Variants in ATP8B3 observed in about 807,000 individuals in gnomAD.
The protein encoded by ATP8B3 is phospholipid-transporting ATPase IK.
A neutral mutation model predicts 140.9 loss-of-function variants in ATP8B3; 141 were observed. That is an observed-to-expected ratio of 1.00 (90% CI 0.87 to 1.15). The LOEUF (loss-of-function observed/expected upper bound fraction) is 1.15, where lower values mean the gene tolerates loss of function less well. Ranked by LOEUF, ATP8B3 falls within the 50% of genes most tolerant of loss-of-function variation. The probability of loss-of-function intolerance (pLI) is 0.00; values close to 1 mark genes in which losing one functional copy is unlikely to be tolerated. For missense variants in ATP8B3, 1,874 were observed against 1,740.6 expected (o/e 1.08, Z -1.36); for synonymous variants, 765 against 714.6 (o/e 1.07, Z -1.13).
In ATP8B3 at chr19:1,791,833, C is replaced by T. The variant is rs1361770975; in HGVS notation, c.2219G>A (p.Arg740Lys). The T allele has an allele frequency of 1.9e-6, 3 of 1,611,560 alleles. No homozygotes were observed. The highest frequency in any genetic ancestry group is 2.5e-6 in the Non-Finnish European group (3 of 1,179,814). Reference sequence around the variant, plus strand: ...GGTTTCAGGGACACCGTCCTGGAGTCTGTCCTCGATGGCTGTGGCTCCCAG... The same window carrying T: ...GGTTTCAGGGACACCGTCCTGGAGTTTGTCCTCGATGGCTGTGGCTCCCAG... Reference protein sequence around the residue: ...QLLGATAIEDRLQDGVPETIK... With the variant: ...QLLGATAIEDKLQDGVPETIK... Residue 740 changes from arginine to lysine, a missense_variant, in exon 20 of 29, where the codon AGA (arginine) becomes AAA (lysine). Physicochemically the swap from Arg to Lys is conservative, Grantham distance 26. Transcript: ENST00000310127.
At chr19:1,792,971 C>G (rs1231845995) in intron 18 of ATP8B3, among the ~76,000 whole-genome samples, 1 of 151,746 alleles carries the variant, frequency 6.6e-6, no homozygotes, top group Non-Finnish European at 1.5e-5. Flanking sequence ...CCTACTCTGT[C>G]TCAGACACCT....
chr19:1,805,323 T>G lies in ATP8B3; in HGVS notation c.904+51A>C, dbSNP rs183143006. 283 of 1,489,794 alleles carry G rather than the reference T, an allele frequency of 1.9e-4. No individual in the cohort carries two copies. Among genetic ancestry groups the G allele is most frequent in the Non-Finnish European group, 2.2e-4 (243 of 1,090,772 alleles). 92.3% of individuals were successfully genotyped at this position (1,489,794 alleles called of 1,614,324 possible). On this transcript the variant is annotated intron_variant, in intron 10 of 28. Transcript: ENST00000310127. This position sits in a 1 kb window ranked among gnomAD's most constrained non-coding sequence, Gnocchi z 5.2. ...ATAACAACAACAAAATACCCTAACTTTTAACTTTTACAGATTCGAGGGACG... is the reference window on the plus strand; with the variant it reads ...ATAACAACAACAAAATACCCTAACTGTTAACTTTTACAGATTCGAGGGACG...
chr19:1,807,685 G>T lies in ATP8B3; in HGVS notation c.517-419C>A, dbSNP rs981993606. 6.6e-6 allele frequency among the ~76,000 whole-genome samples: 1 copy of T among 152,116 alleles called. No individual in the cohort carries two copies. The highest frequency in any genetic ancestry group is 6.6e-5 in the Admixed American group (1 of 15,262). ...TGCACACAGTAGGTACTCCATTAAT[G>T]CTGAATGACTCGATGGATGAAAGGA... is the stretch of plus-strand genomic sequence containing the variant. On this transcript the variant is annotated intron_variant, in intron 5 of 28. Transcript: ENST00000310127. The surrounding 1 kb of genome is among the most constrained non-coding windows in gnomAD (Gnocchi z 5.9).
intron 28 of ATP8B3, 115 bp downstream of exon 28, chr19:1,784,704 G>A (rs1752248965): frequency 1.5e-6 from 2 of 1,362,416 alleles, no homozygotes; most frequent in African/African-American, 1.5e-5. Context: ...CAAGCCTAGT[G>A]TCTTGGAGGG....
chr19:1,802,610 G>C lies in ATP8B3; in HGVS notation c.940C>G (p.His314Asp). 1.2e-6 allele frequency: 2 copies of C among 1,611,786 alleles called. No individual in the cohort carries two copies. The highest frequency in any genetic ancestry group is 1.7e-6 in the Non-Finnish European group (2 of 1,179,582). Residue 314 changes from histidine to aspartate, a missense_variant, in exon 11 of 29, where the codon CAC (histidine) becomes GAC (aspartate). Transcript: ENST00000310127. ...CATTCCAGGCACCCCACGAAGTGGTGCATCCGACTGTTAGGCGCCTCACAC... is the reference window on the plus strand; with the variant it reads ...CATTCCAGGCACCCCACGAAGTGGTCCATCCGACTGTTAGGCGCCTCACAC... ...VTCEAPNSRM[H>D]HFVGCLEWND...
rs1325058147 is a variant in ATP8B3, at chr19:1,785,281, T to G, written c.3410A>C (p.Lys1137Thr). 2.5e-6 allele frequency: 4 copies of G among 1,601,464 alleles called. No homozygotes were observed. Among genetic ancestry groups the G allele is most frequent in the African/African-American group, 2.7e-5 (2 of 74,528 alleles). ...CGCCACGCACAGGGCGGTCCAGTAC[T>G]TGATGATAAGAATGACCTGGACAGG... ...SITMEVILIIKYWTALCVATI... is the reference protein window; with the variant it reads ...SITMEVILIITYWTALCVATI... The change falls in exon 27 of 29, where the codon AAG becomes ACG. Residue 1137 changes from lysine (K) to threonine (T), a missense_variant. Physicochemically the swap from Lys to Thr is moderately conservative, Grantham distance 78. Around this residue, in one of 3 missense-constraint regions of ATP8B3, gnomAD observed 840 missense variants for 760.9 expected, o/e 1.10. Coordinates refer to ENST00000310127, the MANE Select transcript of ATP8B3 (RefSeq NM_138813.4).
At chr19:1,808,138 G>T in intron 5 of ATP8B3, 84 bp downstream of exon 5, 1 of 1,146,138 alleles carries the variant, frequency 8.7e-7, no homozygotes, top group Non-Finnish European at 1.3e-6. Context: ...GGAGTGGGAC[G>T]TGAACCCACC....
chr19:1,790,191 C>A (rs1472851093), intron 21 of ATP8B3, among the ~76,000 whole-genome samples: 1 of 106,464 alleles, frequency 9.4e-6, no homozygotes, highest in Non-Finnish European at 2.0e-5. Flanking sequence ...CACTCCCCCA[C>A]CCCTGCCCCT....
chr19:1,792,221 A>C, intron 18 of ATP8B3, 86 bp from the exon 19 acceptor site: 1 of 1,414,606 alleles, frequency 7.1e-7, no homozygotes, highest in East Asian at 2.5e-5. Flanking sequence ...CGGGCTCCGG[A>C]GCCTGGGTCC....
chr19:1,795,846 C>CACACACACACACAT (rs2068651191), intron 18 of ATP8B3, 29 bp downstream of exon 18: 1 of 1,233,170 alleles, frequency 8.1e-7, no homozygotes, highest in African/African-American at 1.9e-5. Flanking sequence ...CACACACACA[C>CACACACACACACAT]ATAAGCCAGC....
chr19:1,803,619 C>T (rs913928073), intron 10 of ATP8B3, among the ~76,000 whole-genome samples: 11 of 152,266 alleles, frequency 7.2e-5, no homozygotes, highest in Non-Finnish European at 2.9e-5. Context: ...GGAAGCCGGC[C>T]GGGTGCGGTG....
Position 1,788,995 on chromosome 19 carries a change from C to T in ATP8B3, c.2971G>A (p.Val991Met), listed in dbSNP as rs759022440. The T allele has an allele frequency of 2.0e-5, 33 of 1,610,440 alleles. No individual in the cohort carries two copies. Among genetic ancestry groups the T allele is most frequent in the Non-Finnish European group, 2.7e-5 (32 of 1,178,840 alleles). The stretch of plus-strand genomic sequence containing the variant: ...TAGCGCAGGAACTTGCAGATCCGCA[C>T]GTAGGACCAGCGGCCGTGCACCAGC... The part of the protein sequence containing the change: ...LLLVHGRWSY[V>M]RICKFLRYFF... The change falls in exon 24 of 29, where the codon GTG (valine) becomes ATG (methionine). Residue 991 changes from valine to methionine, a missense_variant. By Grantham distance (21) the Val-to-Met change is conservative (BLOSUM62 1). Coordinates refer to ENST00000310127, the MANE Select transcript of ATP8B3 (RefSeq NM_138813.4).
chr19:1,811,767 C>G lies in ATP8B3; in HGVS notation c.-31G>C. ...GCATGAGGAAAAGGGAGGTTCAGGG[C>G]GAAGAGGGGTTTAGGCTGTGGGACG... On this transcript the variant is annotated 5_prime_UTR_variant, in exon 2 of 29. Transcript: ENST00000310127. 6 of 1,553,446 alleles carry G rather than the reference C, an allele frequency of 3.9e-6. No individual in the cohort carries two copies. Among genetic ancestry groups the G allele is most frequent in the Non-Finnish European group, 5.2e-6 (6 of 1,154,984 alleles).
intron 26 of ATP8B3, 54 bp downstream of exon 26, chr19:1,785,415 G>C: frequency 1.9e-6 from 3 of 1,587,644 alleles, no homozygotes; most frequent in Non-Finnish European, 2.6e-6. Flanking sequence ...CCCCAGGGGA[G>C]GAGGCCTCCA....
At position 1,792,153 on chromosome 19, in the gene ATP8B3, G is replaced by A. The variant is rs1383276771; in HGVS notation, c.2056-18C>T. On this transcript the variant is annotated intron_variant, in intron 18 of 28. Transcript: ENST00000310127. ...GCAAAGGCCTGGGGGCCGGGCAGGT[G>A]GAAGCTGTCACCATGCTGAAGCCGA... The A allele has an allele frequency of 6.4e-7, 1 of 1,557,894 alleles. No individual in the cohort carries two copies. Among genetic ancestry groups the A allele is most frequent in the Non-Finnish European group, 8.6e-7 (1 of 1,159,320 alleles).
At position 1,789,546 on chromosome 19, in the gene ATP8B3, G is replaced by A. The variant is rs369357230; in HGVS notation, c.2660C>T (p.Ala887Val). The A allele has an allele frequency of 1.9e-6, 3 of 1,596,808 alleles. No homozygotes were observed. Among genetic ancestry groups the A allele is most frequent in the Non-Finnish European group, 2.5e-6 (3 of 1,177,990 alleles). Residue 887 changes from alanine to valine, a missense_variant, in exon 23 of 29, where the codon GCC (alanine) becomes GTC (valine). Ala to Val is a moderately conservative substitution (Grantham distance 64). This residue lies in a region of ATP8B3 where 840 missense variants were observed against 760.9 expected (regional missense o/e 1.10). Coordinates refer to ENST00000310127, the MANE Select transcript of ATP8B3 (RefSeq NM_138813.4). The stretch of plus-strand genomic sequence containing the variant: ...CTGCAGCACCTCGGAGCTACGGCGG[G>A]CTCTGGAGTCCTGGGCTGGCGGTGC... ...LAAPPAQDSR[A>V]RRSSEVLQER...
rs939880507 is a variant in ATP8B3, at chr19:1,800,809, T to C, written c.1153-360A>G. 3.3e-5 allele frequency among the ~76,000 whole-genome samples: 5 copies of C among 149,414 alleles called. No individual in the cohort carries two copies. The highest frequency in any genetic ancestry group is 2.0e-4 in the East Asian group (1 of 4,986). On this transcript the variant is annotated intron_variant, in intron 12 of 28. Coordinates refer to ENST00000310127, the MANE Select transcript of ATP8B3 (RefSeq NM_138813.4). This position sits in a 1 kb window ranked among gnomAD's most constrained non-coding sequence, Gnocchi z 4.4. ...CTCCATCCTGGGCAATAGAGTGAGA[T>C]AGAAAAACTTTTTTTTTTTTAATTT... is the stretch of plus-strand genomic sequence containing the variant.
chr19:1,801,915 C>T (rs2068855252), intron 12 of ATP8B3, 41 bp downstream of exon 12: 1 of 1,479,932 alleles, frequency 6.8e-7, no homozygotes, highest in African/African-American at 1.4e-5. Context: ...ACCCTGCACT[C>T]CTCTGTGTTC....
At chr19:1,795,809 A>G (rs1038791988) in intron 18 of ATP8B3, 66 bp downstream of exon 18, 1 of 829,998 alleles carries the variant, frequency 1.2e-6, no homozygotes, top group African/African-American at 1.8e-5. Context: ...ACACACACAC[A>G]CACACACACA....
Sources: gnomAD v4.1 joint callset for allele counts (sites outside exome capture counted in the v4.1 genomes callset) on GRCh38, gnomAD v4.1.1 for gene constraint, gnomAD v4.1.1 regional missense constraint, Gnocchi (gnomAD v3.1) non-coding constraint, MANE v1.5 for transcripts, NCBI Gene and HGNC (gene_info 2026-07-23, HGNC 2026-07-21) for gene names.